Variants in PRUNE2 observed in about 807,000 individuals in gnomAD.
PRUNE2 encodes the protein prune homolog 2 with BCH domain.
Under a neutral mutation model 252.0 loss-of-function variants are expected in PRUNE2, and 164 were observed. The ratio of observed to expected loss-of-function variants is 0.65; its 90% confidence interval spans 0.57 to 0.74. The LOEUF is 0.74. Ranked by LOEUF, PRUNE2 falls within the 30% of genes least tolerant of loss-of-function variation. The pLI is 0.00. For synonymous variants in PRUNE2, 1,292 were observed against 1,350.2 expected, an observed-to-expected ratio of 0.96 and a Z score of 0.94; for missense variants, 3,495 against 3,711.0, an observed-to-expected ratio of 0.94 and a Z score of 1.51.
intron 9 of PRUNE2, among the ~76,000 whole-genome samples, chr9:76,699,509 TGAA>T (rs775751747): frequency 1.3e-5 from 2 of 152,204 alleles, no homozygotes; most frequent in African/African-American, 4.8e-5. Context: ...TGAAGTTTCC[TGAA>T]GAAGAAGGAA....
At chr9:76,757,086 A>G (rs2130621463) in intron 6 of PRUNE2, among the ~76,000 whole-genome samples, 1 of 152,372 alleles carries the variant, frequency 6.6e-6, no homozygotes, top group East Asian at 1.9e-4. Context: ...CAGCTATTAC[A>G]GCATAATAGT....
intron 6 of PRUNE2, among the ~76,000 whole-genome samples, chr9:76,731,324 A>ATATTTTTT (rs1332074252): frequency 9.4e-6 from 1 of 106,794 alleles, no homozygotes; most frequent in African/African-American, 3.5e-5. Context: ...ATATATATAT[A>ATATTTTTT]TTTTTTTTTT....
chr9:76,723,660 A>T (rs2047836006), intron 6 of PRUNE2, among the ~76,000 whole-genome samples: 1 of 152,242 alleles, frequency 6.6e-6, no homozygotes, highest in African/African-American at 2.4e-5. Context: ...AGAAAAACCA[A>T]GAGTTCTTCA....
intron 6 of PRUNE2, chr9:76,739,278 TG>T (rs2049356879): frequency 1.3e-5 from 2 of 152,280 alleles, no homozygotes; most frequent in Non-Finnish European, 1.5e-5. Context: ...GGATACCAGC[TG>T]TAGCCCATGC....
rs140651639 is a variant in PRUNE2 at position 76,850,651 on chromosome 9, C to A, written c.156G>T (p.Gly52=). The A allele has an allele frequency of 3.7e-6, 6 of 1,612,874 alleles. No individual in the cohort carries two copies. Among genetic ancestry groups the A allele is most frequent in the African/African-American group, 1.3e-5 (1 of 74,778 alleles). ...AYFLDKVSPP[G]VLCLPVLNIP... is the part of the protein sequence containing the mutation. ...TGTTCAGCACTGGTAAACACAGAAC[C>A]CCTGGTGGACTGACCTACCAAGAAA... is the stretch of plus-strand genomic sequence containing the variant. Residue 52 remains glycine, a synonymous_variant, in exon 3 of 19, where the codon GGG becomes GGT. Transcript: ENST00000376718.
At chr9:76,659,504 AT>A (rs1850478026) in intron 9 of PRUNE2, among the ~76,000 whole-genome samples, 1 of 152,042 alleles carries the variant, frequency 6.6e-6, no homozygotes, top group Admixed American at 6.6e-5. Context: ...TTTACTTAAC[AT>A]TTTCTTTAGA....
rs763140809 is a variant in PRUNE2, at chr9:76,710,910, C to T, written c.1364G>A (p.Gly455Asp). 1 of 1,558,850 alleles carries T rather than the reference C, an allele frequency of 6.4e-7. No individual in the cohort carries two copies. Among genetic ancestry groups the T allele is most frequent in the Non-Finnish European group, 8.7e-7 (1 of 1,152,630 alleles). The part of the protein sequence containing the change: ...FLSDDSPVGE[G>D]AGPHHTLLPG... Reference sequence around the variant, plus strand: ...GAGAAGGGTGTGGTGAGGCCCAGCACCTTCTCCCACGGGGCTGTCGTCACT... The same window carrying T: ...GAGAAGGGTGTGGTGAGGCCCAGCATCTTCTCCCACGGGGCTGTCGTCACT... Residue 455 changes from glycine to aspartate, a missense_variant, in exon 8 of 19, where the codon GGT becomes GAT. Coordinates refer to ENST00000376718, the MANE Select transcript of PRUNE2 (RefSeq NM_015225.3).
chr9:76,799,341 C>CAA (rs71354683), intron 6 of PRUNE2, among the ~76,000 whole-genome samples: 2,016 of 112,682 alleles, frequency 0.018, 27 homozygotes, highest in African/African-American at 0.039. Flanking sequence ...AACTCTGTCT[C>CAA]AAAAAAAAAA....
chr9:76,790,660 G>A (rs2055463654), intron 6 of PRUNE2, among the ~76,000 whole-genome samples: 1 of 152,154 alleles, frequency 6.6e-6, no homozygotes, highest in Non-Finnish European at 1.5e-5. Context: ...ATAAGAAGGA[G>A]AAAGGTTGTG....
intron 1 of PRUNE2, among the ~76,000 whole-genome samples, chr9:76,861,811 G>A (rs1018482699): frequency 2.3e-5 from 2 of 87,226 alleles, no homozygotes; most frequent in African/African-American, 8.4e-5. Flanking sequence ...TTGTATTTTT[G>A]TTCAGGATCC....
At chr9:76,802,367 C>T (rs976549454) in intron 6 of PRUNE2, among the ~76,000 whole-genome samples, 3 of 152,060 alleles carry the variant, frequency 2.0e-5, no homozygotes, top group Admixed American at 6.5e-5. Flanking sequence ...ATTTGCTAAA[C>T]GAGAACCCTA....
At chr9:76,733,633 G>C (rs2048826602) in intron 6 of PRUNE2, 1 of 151,884 alleles carries the variant, frequency 6.6e-6, no homozygotes. Flanking sequence ...TTGAACTCCT[G>C]AGTTCAAATG....
intron 6 of PRUNE2, among the ~76,000 whole-genome samples, chr9:76,821,180 TATC>T (rs1364092051): frequency 6.6e-6 from 1 of 152,214 alleles, no homozygotes; most frequent in Non-Finnish European, 1.5e-5. Flanking sequence ...CTGTAAGAGT[TATC>T]ATGATGCACC....
At chr9:76,806,397 G>A (rs1390880461) in intron 6 of PRUNE2, among the ~76,000 whole-genome samples, 1 of 152,150 alleles carries the variant, frequency 6.6e-6, no homozygotes, top group Non-Finnish European at 1.5e-5. Context: ...ACTCCGTGCA[G>A]AAAGACTCTA....
chr9:76,864,148 G>A (rs1448803855), intron 1 of PRUNE2, among the ~76,000 whole-genome samples: 2 of 152,186 alleles, frequency 1.3e-5, no homozygotes, highest in African/African-American at 2.4e-5. Context: ...GCAGCAAAAT[G>A]TATGGAGCTG....
In PRUNE2 at chr9:76,904,313, C is replaced by T. The variant is rs114637160; in HGVS notation, c.36+1615G>A. On this transcript the variant is annotated intron_variant, in intron 1 of 18. Transcript: ENST00000376718. ...TACAGATTACTTTCAACTCATTACTCGGAAATAGGGAAACTTCCATTCCAG... is the reference window on the plus strand; with the variant it reads ...TACAGATTACTTTCAACTCATTACTTGGAAATAGGGAAACTTCCATTCCAG... 6.3e-3 allele frequency among the ~76,000 whole-genome samples: 957 copies of T among 152,066 alleles called. 10 individuals are homozygous for T. Among genetic ancestry groups the T allele is most frequent in the African/African-American group, 0.022 (901 of 41,450 alleles).
In PRUNE2 at chr9:76,905,991, T is replaced by C. The variant is rs753984013; in HGVS notation, c.-28A>G. ...CGTGGCTAGGGGTTTGGAACCCGGG[T>C]ACTCGGAGGGGCGCAGTGGAAAATC... On this transcript the variant is annotated 5_prime_UTR_variant, in exon 1 of 19. Coordinates refer to ENST00000376718, the MANE Select transcript of PRUNE2 (RefSeq NM_015225.3). 1 of 1,613,146 alleles carries C rather than the reference T, an allele frequency of 6.2e-7. No individual in the cohort carries two copies. The highest frequency in any genetic ancestry group is 1.7e-5 in the Admixed American group (1 of 60,012).
In PRUNE2 at chr9:76,709,682, G is replaced by T; in HGVS notation, c.2592C>A (p.Ile864=). The change falls in exon 8 of 19, where the codon ATC becomes ATA. Residue 864 remains isoleucine, a synonymous_variant. Transcript: ENST00000376718. ...SEINNEAAPE[I]WGKKNNDSRD... is the part of the protein sequence containing the mutation. ...TGGAGTCATTGTTTTTCTTGCCCCA[G>T]ATTTCTGGAGCTGCTTCATTGTTTA... 1 of 1,613,980 alleles carries T rather than the reference G, an allele frequency of 6.2e-7. No individual in the cohort carries two copies. The highest frequency in any genetic ancestry group is 8.5e-7 in the Non-Finnish European group (1 of 1,179,888).
Position 76,619,358 on chromosome 9 carries a change from A to G in PRUNE2, c.9218T>C (p.Met3073Thr). Residue 3073 changes from methionine to threonine, a missense_variant, in exon 18 of 19, where the codon ATG becomes ACG. Met to Thr is a moderately conservative substitution (Grantham distance 81). Transcript: ENST00000376718. ...KTSCLYNDPE[M>T]SSMEKDIDLK... is the part of the protein sequence containing the mutation. The stretch of plus-strand genomic sequence containing the variant: ...TTCTTACTCCTTCTCCATAGAAGAC[A>G]TTTCTGGATCATTGTAAAGGCAGCT... The G allele has an allele frequency of 6.2e-7, 1 of 1,606,606 alleles. No homozygotes were observed. Among genetic ancestry groups the G allele is most frequent in the East Asian group, 2.2e-5 (1 of 44,730 alleles).
Sources: allele counts gnomAD v4.1 joint callset (sites outside exome capture counted in the v4.1 genomes callset), GRCh38; gene constraint gnomAD v4.1.1; transcripts MANE v1.5; gene names NCBI Gene and HGNC (gene_info 2026-07-23, HGNC 2026-07-21).